TAFA2: variants seen among roughly 807,000 people sequenced by gnomAD.
The protein encoded by TAFA2 is TAFA chemokine like family member 2, also known as chemokine-like protein TAFA-2.
TAFA2 carries 7 observed loss-of-function variants against 18.8 expected under a neutral mutation model. That is an observed-to-expected ratio of 0.37 (90% CI 0.21 to 0.70). The LOEUF (loss-of-function observed/expected upper bound fraction) is 0.70. Ranked by LOEUF, TAFA2 falls within the 30% of genes least tolerant of loss-of-function variation. The pLI is 0.53. For synonymous variants in TAFA2, 60 were observed against 54.2 expected (o/e 1.11, Z -0.47); for missense variants, 122 against 158.1 (o/e 0.77, Z 1.23).
chr12:62,047,480 C>G (rs1164837695), intron 1 of TAFA2, among the ~76,000 whole-genome samples: 1 of 152,112 alleles, frequency 6.6e-6, no homozygotes, highest in African/African-American at 2.4e-5. Context: ...TTTAGCTGAA[C>G]AGAGGAAACA....
intron 1 of TAFA2, among the ~76,000 whole-genome samples, chr12:62,154,632 T>C (rs1175944985): frequency 6.6e-6 from 1 of 152,174 alleles, no homozygotes; most frequent in East Asian, 1.9e-4. Flanking sequence ...GTCAATTTAT[T>C]TTTGAATGCA....
chr12:62,093,675 G>A (rs1309320416), intron 1 of TAFA2, among the ~76,000 whole-genome samples: 1 of 151,976 alleles, frequency 6.6e-6, no homozygotes, highest in Non-Finnish European at 1.5e-5. Context: ...CATATGCTCA[G>A]AACATTTTTG....
chr12:62,207,876 A>T (rs1380916410), intron 1 of TAFA2, among the ~76,000 whole-genome samples: 1 of 152,180 alleles, frequency 6.6e-6, no homozygotes, highest in East Asian at 1.9e-4. Flanking sequence ...TTCATGCTGA[A>T]CCCAGTACTG....
intron 1 of TAFA2, among the ~76,000 whole-genome samples, chr12:62,203,250 C>T (rs1182791267): frequency 1.3e-5 from 2 of 152,226 alleles, no homozygotes; most frequent in East Asian, 1.9e-4. Flanking sequence ...GAGTGTTTTA[C>T]TTCCAATTAT....
At chr12:61,894,441 T>C (rs1875757115) in intron 1 of TAFA2, among the ~76,000 whole-genome samples, 1 of 152,158 alleles carries the variant, frequency 6.6e-6, no homozygotes, top group Non-Finnish European at 1.5e-5. Flanking sequence ...AAAATATAAA[T>C]CAGGTATTCA....
chr12:61,974,872 G>A (rs995777366), intron 1 of TAFA2, among the ~76,000 whole-genome samples: 6 of 151,678 alleles, frequency 4.0e-5, no homozygotes, highest in African/African-American at 7.3e-5. Flanking sequence ...AATCTCCTAG[G>A]GTGAGTTCAT....
intron 2 of TAFA2, among the ~76,000 whole-genome samples, chr12:61,833,949 C>G (rs994372228): frequency 2.6e-5 from 4 of 151,990 alleles, no homozygotes; most frequent in African/African-American, 9.7e-5. Context: ...CCTGGAGATG[C>G]TCTATTATTA....
At chr12:62,070,879 T>G (rs991378359) in intron 1 of TAFA2, among the ~76,000 whole-genome samples, 1 of 152,182 alleles carries the variant, frequency 6.6e-6, no homozygotes, top group East Asian at 1.9e-4. Flanking sequence ...AACATGAATG[T>G]TTCAGCTGCA....
chr12:61,820,251 T>A (rs2121045193), intron 2 of TAFA2, among the ~76,000 whole-genome samples: 1 of 151,566 alleles, frequency 6.6e-6, no homozygotes, highest in East Asian at 1.9e-4. Context: ...GGTGTGGGGA[T>A]GGAAGGGAGA....
intron 1 of TAFA2, among the ~76,000 whole-genome samples, chr12:62,128,591 G>A (rs1225094570): frequency 6.6e-6 from 1 of 151,952 alleles, no homozygotes; most frequent in Non-Finnish European, 1.5e-5. Context: ...ACCATTCTCA[G>A]TACTGCCCTC....
At chr12:61,928,927 A>G (rs567487734) in intron 1 of TAFA2, among the ~76,000 whole-genome samples, 1 of 152,232 alleles carries the variant, frequency 6.6e-6, no homozygotes, top group Non-Finnish European at 1.5e-5. Context: ...CAAACATCAC[A>G]TGTTCTCACT....
chr12:62,152,807 CA>C (rs1471280925), intron 1 of TAFA2, among the ~76,000 whole-genome samples: 2 of 152,130 alleles, frequency 1.3e-5, no homozygotes, highest in African/African-American at 2.4e-5. Context: ...ACAATAGAGC[CA>C]GTTCTCCAGA....
Position 62,232,642 on chromosome 12 carries a change from G to C in TAFA2, c.-130+26121C>G, listed in dbSNP as rs1487364330. Among the ~76,000 whole-genome samples the C allele has an allele frequency of 2.6e-5, 4 of 152,048 alleles. No homozygotes were observed. In the East Asian group the frequency reaches 7.7e-4, roughly 29 times the overall value. Reference sequence around the variant, plus strand: ...TTTTCCCATCTCAGCCCCCCGAGTAGCTGGGATTACAGGCACCCACCATCA... The same window carrying C: ...TTTTCCCATCTCAGCCCCCCGAGTACCTGGGATTACAGGCACCCACCATCA... On this transcript the variant is annotated intron_variant, in intron 1 of 5. Transcript: ENST00000551619.
chr12:61,952,443 T>C (rs1878502446), intron 1 of TAFA2, among the ~76,000 whole-genome samples: 1 of 152,156 alleles, frequency 6.6e-6, no homozygotes, highest in Non-Finnish European at 1.5e-5. Flanking sequence ...TATTCCCTGT[T>C]CTTGTGGTCA....
Position 61,808,376 on chromosome 12 carries a change from T to C in TAFA2, c.107-53352A>G, listed in dbSNP as rs1421783283. Reference sequence around the variant, plus strand: ...TTTCTGTAAGTCCAATAAACCTTTTTTCTTTGTAAATTTCCCAGTCTCGGG... The same window carrying C: ...TTTCTGTAAGTCCAATAAACCTTTTCTCTTTGTAAATTTCCCAGTCTCGGG... On this transcript the variant is annotated intron_variant, in intron 2 of 4. Transcript: ENST00000416284. Among the ~76,000 whole-genome samples the C allele has an allele frequency of 1.3e-5, 2 of 151,540 alleles. 1 individual carries two copies. The highest frequency in any genetic ancestry group is 4.9e-5 in the African/African-American group (2 of 40,804).
At chr12:62,145,001 C>A (rs1326105075) in intron 1 of TAFA2, among the ~76,000 whole-genome samples, 1 of 152,192 alleles carries the variant, frequency 6.6e-6, no homozygotes, top group Non-Finnish European at 1.5e-5. Flanking sequence ...TTCTCCAAAG[C>A]CTTCTAAGTG....
intron 2 of TAFA2, among the ~76,000 whole-genome samples, chr12:61,764,128 A>T (rs567185103): frequency 6.6e-6 from 1 of 152,140 alleles, no homozygotes; most frequent in South Asian, 2.1e-4. Context: ...CACACCTCCT[A>T]CATTTACCTC....
At chr12:62,001,913 G>T (rs541063710) in intron 1 of TAFA2, among the ~76,000 whole-genome samples, 1 of 152,244 alleles carries the variant, frequency 6.6e-6, no homozygotes, top group South Asian at 2.1e-4. Flanking sequence ...TTGTAGAGAG[G>T]TTTTAATACA....
intron 1 of TAFA2, among the ~76,000 whole-genome samples, chr12:61,976,978 A>G (rs1879460425): frequency 6.6e-6 from 1 of 152,228 alleles, no homozygotes; most frequent in East Asian, 1.9e-4. Flanking sequence ...GTGCCGTAAT[A>G]AACATACATG....
Sources: allele counts gnomAD v4.1 joint callset (sites outside exome capture counted in the v4.1 genomes callset), GRCh38; gene constraint gnomAD v4.1.1; transcripts MANE v1.5; gene names NCBI Gene and HGNC (gene_info 2026-07-23, HGNC 2026-07-21).